Variants in CLVS2 observed in about 807,000 individuals in gnomAD.
The protein encoded by CLVS2 is clavesin 2.
Under a neutral mutation model 29.0 loss-of-function variants are expected in CLVS2, and 19 were observed. The ratio of observed to expected loss-of-function variants is 0.66; its 90% CI spans 0.46 to 0.96. The LOEUF is 0.96. CLVS2 is among the 40% of genes least tolerant of loss of function. The probability of loss-of-function intolerance (pLI) is 0.00; values close to 1 mark genes in which losing one functional copy is unlikely to be tolerated. For missense variants in CLVS2, 294 were observed against 404.1 expected, an observed-to-expected ratio of 0.73 and a Z score of 2.34; for synonymous variants, 161 against 151.3, an observed-to-expected ratio of 1.06 and a Z score of -0.47.
chr6:123,000,934 T>C (rs1030829429), intron 2 of CLVS2, among the ~76,000 whole-genome samples: 4 of 152,210 alleles, frequency 2.6e-5, no homozygotes, highest in African/African-American at 9.6e-5. Context: ...GGAAAACAGG[T>C]TATTTATAAT....
At chr6:123,009,671 A>C (rs1197948858) in intron 2 of CLVS2, among the ~76,000 whole-genome samples, 2 of 152,004 alleles carry the variant, frequency 1.3e-5, no homozygotes, top group Non-Finnish European at 2.9e-5. Flanking sequence ...TTCTCTAGCT[A>C]TTCCTGAAAT....
chr6:123,060,920 G>T (rs558905377), intron 5 of CLVS2, among the ~76,000 whole-genome samples: 1 of 152,232 alleles, frequency 6.6e-6, no homozygotes, highest in Non-Finnish European at 1.5e-5. Context: ...CATGAGAAAT[G>T]AGTATTGGAT....
chr6:122,998,751 C>T (rs1417034871), intron 2 of CLVS2, among the ~76,000 whole-genome samples: 2 of 152,196 alleles, frequency 1.3e-5, no homozygotes, highest in Non-Finnish European at 2.9e-5. Flanking sequence ...GTTGCATCCT[C>T]TGTCGCTGAG....
intron 3 of CLVS2, among the ~76,000 whole-genome samples, chr6:123,034,884 T>C (rs1260032721): frequency 6.6e-6 from 1 of 152,050 alleles, no homozygotes; most frequent in African/African-American, 2.4e-5. Flanking sequence ...AGTCTATTAT[T>C]ATTTCAAAAT....
chr6:123,009,986 CA>C (rs542548581), intron 2 of CLVS2, among the ~76,000 whole-genome samples: 136 of 152,136 alleles, frequency 8.9e-4, no homozygotes, highest in Admixed American at 2.9e-3. Context: ...ACATGTTTCT[CA>C]AATACAATAA....
chr6:123,021,157 AT>A (rs1774914923), intron 3 of CLVS2, among the ~76,000 whole-genome samples: 2 of 151,802 alleles, frequency 1.3e-5, no homozygotes, highest in Non-Finnish European at 2.9e-5. Context: ...CTTCAAAATA[AT>A]TTTTTTCTTA....
intron 3 of CLVS2, among the ~76,000 whole-genome samples, chr6:123,034,920 A>G (rs1407117776): frequency 6.6e-6 from 1 of 152,148 alleles, no homozygotes; most frequent in African/African-American, 2.4e-5. Context: ...ATCAATAGAT[A>G]GATTCAGGTA....
Position 123,000,432 on chromosome 6 carries a change from T to A in CLVS2, c.389+2266T>A, listed in dbSNP as rs1278595416. Reference sequence around the variant, plus strand: ...CCTTTGCACCCTCTATAAACCTTTATCACTGGAGCATGTGCATAAAAACGT... The same window carrying A: ...CCTTTGCACCCTCTATAAACCTTTAACACTGGAGCATGTGCATAAAAACGT... On this transcript the variant is annotated intron_variant, in intron 2 of 5. Coordinates refer to ENST00000275162, the MANE Select transcript of CLVS2 (RefSeq NM_001010852.4). Among the ~76,000 whole-genome samples, 6 of 152,174 alleles carry A rather than the reference T, an allele frequency of 3.9e-5. No homozygotes were observed. In the South Asian group the frequency reaches 1.2e-3, roughly 32 times the overall value.
At chr6:123,000,447 C>A (rs767680998) in intron 2 of CLVS2, among the ~76,000 whole-genome samples, 1 of 152,122 alleles carries the variant, frequency 6.6e-6, no homozygotes, top group Non-Finnish European at 1.5e-5. Context: ...GGAGCATGTG[C>A]ATAAAAACGT....
At chr6:123,042,090 G>A (rs1775242129) in intron 3 of CLVS2, among the ~76,000 whole-genome samples, 1 of 152,080 alleles carries the variant, frequency 6.6e-6, no homozygotes. Flanking sequence ...TTAAAATTGA[G>A]ACACTATTTT....
rs1471849866 is a variant in CLVS2, at chr6:123,067,929, T to C, written c.*4168T>C. On this transcript the variant is annotated 3_prime_UTR_variant, in exon 6 of 6. Coordinates refer to ENST00000275162, the MANE Select transcript of CLVS2 (RefSeq NM_001010852.4). Reference sequence around the variant, plus strand: ...GAACTATTTGACATTATTTGCTACATGAAAAAAGGCAAATAAGTAAACATA... The same window carrying C: ...GAACTATTTGACATTATTTGCTACACGAAAAAAGGCAAATAAGTAAACATA... The C allele has an allele frequency of 2.6e-5, 4 of 151,720 alleles. No individual in the cohort carries two copies. The allele number at this position is 151,720 out of a possible 1,614,324, so 9.4% of individuals were successfully genotyped here.
At chr6:123,030,470 A>T (rs1775067408) in intron 3 of CLVS2, among the ~76,000 whole-genome samples, 1 of 152,132 alleles carries the variant, frequency 6.6e-6, no homozygotes, top group Admixed American at 6.6e-5. Context: ...GTTCAGACTC[A>T]TGTGATTGTT....
chr6:123,054,138 T>C (rs952185148), intron 4 of CLVS2, among the ~76,000 whole-genome samples: 6 of 152,098 alleles, frequency 3.9e-5, no homozygotes, highest in Non-Finnish European at 8.8e-5. Context: ...CTTGCATGAG[T>C]TGAAGAAGAT....
At chr6:123,048,875 C>A in intron 4 of CLVS2, 143 bp downstream of exon 4, 2 of 584,018 alleles carry the variant, frequency 3.4e-6, no homozygotes, top group Non-Finnish European at 5.9e-6. Flanking sequence ...AAGATTCTTC[C>A]AGATTTTGTG....
At chr6:123,006,756 A>G (rs950786518) in intron 2 of CLVS2, among the ~76,000 whole-genome samples, 7 of 152,212 alleles carry the variant, frequency 4.6e-5, no homozygotes, top group Admixed American at 4.6e-4. Context: ...GATGGCAACT[A>G]GAAAGATGAG....
chr6:123,059,912 G>T (rs958274848), intron 5 of CLVS2, among the ~76,000 whole-genome samples: 2 of 152,160 alleles, frequency 1.3e-5, no homozygotes, highest in African/African-American at 4.8e-5. Context: ...TCCTGCTGGT[G>T]TCATGGGCTG....
Position 123,052,918 on chromosome 6 carries a change from T to G in CLVS2, c.676-2888T>G, listed in dbSNP as rs1772635220. ...AAAAGGGGCCTGGATTCAAGACATA[T>G]ATTTCTAGTGCAGGGATATTATTTT... is the stretch of plus-strand genomic sequence containing the variant. On this transcript the variant is annotated intron_variant, in intron 4 of 5. Coordinates refer to ENST00000275162, the MANE Select transcript of CLVS2 (RefSeq NM_001010852.4). Among the ~76,000 whole-genome samples, 3 of 150,006 alleles carry G rather than the reference T, an allele frequency of 2.0e-5. 1 individual carries two copies. Among genetic ancestry groups the G allele is most frequent in the Non-Finnish European group, 4.4e-5 (3 of 67,732 alleles).
rs1772832823 is a variant in CLVS2, at chr6:123,065,081, G to A, written c.*1320G>A. Reference sequence around the variant, plus strand: ...AGACTGAAAAAACACATTATATTCAGGAGATATAATGAAATTATTGGAAGG... The same window carrying A: ...AGACTGAAAAAACACATTATATTCAAGAGATATAATGAAATTATTGGAAGG... On this transcript the variant is annotated 3_prime_UTR_variant, in exon 6 of 6. Transcript: ENST00000275162. The A allele has an allele frequency of 6.6e-6, 1 of 151,578 alleles. No homozygotes were observed. The highest frequency in any genetic ancestry group is 1.5e-5 in the Non-Finnish European group (1 of 67,778). The allele number at this position is 151,578 out of a possible 1,614,324, so 9.4% of individuals were successfully genotyped here.
chr6:123,056,401 T>G (rs1046176919), intron 5 of CLVS2, among the ~76,000 whole-genome samples: 2 of 152,202 alleles, frequency 1.3e-5, no homozygotes, highest in Admixed American at 6.6e-5. Context: ...TCCCAGTGCT[T>G]GGTAACCACC....
Sources: allele counts gnomAD v4.1 joint callset (sites outside exome capture counted in the v4.1 genomes callset), GRCh38; gene constraint gnomAD v4.1.1; transcripts MANE v1.5; gene names NCBI Gene and HGNC (gene_info 2026-07-23, HGNC 2026-07-21).